Variants in AARS2 observed in about 807,000 individuals in gnomAD.
The protein encoded by AARS2 is alanine--tRNA ligase, mitochondrial.
A neutral mutation model predicts 119.7 loss-of-function variants in AARS2; 78 were observed. The observed-to-expected ratio is 0.65, with a 90% CI of 0.54 to 0.79. AARS2 has a LOEUF of 0.79. AARS2 is among the 30% of genes least tolerant of loss of function. The pLI, the probability that AARS2 is intolerant of heterozygous loss-of-function variation, is 0.00. For missense variants in AARS2, 1,157 were observed against 1,291.3 expected, an observed-to-expected ratio of 0.90 and a Z score of 1.59; for synonymous variants, 502 against 526.3, an observed-to-expected ratio of 0.95 and a Z score of 0.63.
chr6:44,301,433 C>T lies in AARS2; in HGVS notation c.2630G>A (p.Arg877Gln), dbSNP rs141941157. ...CACAATCAGAGGCCCCTTCGAGTGC[C>T]GCTCCAGCAGCTCCTGAGTTTTCTT... ...AAKKTQELLE[R>Q]HSKGPLIVDT... The change falls in exon 20 of 22, where the codon CGG (arginine) becomes CAG (glutamine). Residue 877 changes from arginine to glutamine, a missense_variant. Coordinates refer to ENST00000244571, the MANE Select transcript of AARS2 (RefSeq NM_020745.4). 138 of 1,613,824 alleles carry T rather than the reference C, an allele frequency of 8.6e-5. No individual in the cohort carries two copies. The African/African-American group carries it at 1.5e-3, about 17-fold the overall frequency.
rs1471980484 is a variant in AARS2, at chr6:44,303,370, G to A, written c.2061C>T (p.Ala687=). ...TGTACACAGCCTCATCCTGCCCCAC[G>A]GCCTCCTGCACAGTGTTCTCCACTG... ...LRAVENTVQE[A]VGQDEAVYME... Residue 687 remains alanine (A), a synonymous_variant, in exon 15 of 22, where the codon GCC becomes GCT. Transcript: ENST00000244571. The A allele has an allele frequency of 4.3e-6, 7 of 1,613,996 alleles. No homozygotes were observed. In the South Asian group the frequency reaches 5.5e-5, roughly 13 times the overall value.
intron 14 of AARS2, 45 bp downstream of exon 14, chr6:44,304,136 T>G (rs78610788): frequency 6.2e-7 from 1 of 1,611,146 alleles, no homozygotes; most frequent in Non-Finnish European, 8.5e-7. Context: ...CTCTCTTTTA[T>G]GCCTGTCACC....
Position 44,300,419 on chromosome 6 carries a change from T to A in AARS2, c.*128A>T. 7.3e-7 allele frequency: 1 copy of A among 1,378,518 alleles called. No individual in the cohort carries two copies. Among genetic ancestry groups the A allele is most frequent in the Non-Finnish European group, 1.0e-6 (1 of 977,088 alleles). 85.4% of individuals were successfully genotyped at this position (1,378,518 alleles called of 1,614,324 possible). A position where few individuals can be genotyped will look rare whatever the true frequency, so the allele number is the denominator to read the frequency against. ...GTCACGTAGGCCCTGGCCCAGGTGA[T>A]CTTCTTTGGCTCAGCTGCTTGGCCT... On this transcript the variant is annotated 3_prime_UTR_variant, in exon 22 of 22. Transcript: ENST00000244571.
chr6:44,303,013 G>T lies in AARS2; in HGVS notation c.2255+53C>A. The T allele has an allele frequency of 1.9e-6, 3 of 1,608,604 alleles. No homozygotes were observed. In the Admixed American group the frequency reaches 5.0e-5, roughly 27 times the overall value. ...GGGCTGATGGCTCCAAAGACCAAGGGAAGGGCAAGGATCCGGGGCCCCTGG... is the reference window on the plus strand; with the variant it reads ...GGGCTGATGGCTCCAAAGACCAAGGTAAGGGCAAGGATCCGGGGCCCCTGG... On this transcript the variant is annotated intron_variant, in intron 16 of 21. Coordinates refer to ENST00000244571, the MANE Select transcript of AARS2 (RefSeq NM_020745.4).
chr6:44,309,156 G>C (rs1786133268), intron 5 of AARS2, among the ~76,000 whole-genome samples: 1 of 152,208 alleles, frequency 6.6e-6, no homozygotes, highest in Non-Finnish European at 1.5e-5. Flanking sequence ...ACTGTTCTGA[G>C]CCTATGTGTC....
rs1001106759 is a variant in AARS2 at position 44,307,800 on chromosome 6, C to A, written c.895-406G>T. Among the ~76,000 whole-genome samples, 1 of 152,204 alleles carries A rather than the reference C, an allele frequency of 6.6e-6. No individual in the cohort carries two copies. The highest frequency in any genetic ancestry group is 2.4e-5 in the African/African-American group (1 of 41,440). On this transcript the variant is annotated intron_variant, in intron 5 of 21. Transcript: ENST00000244571. The surrounding 1 kb of genome is among the most constrained non-coding windows in gnomAD (Gnocchi z 4.4). The stretch of plus-strand genomic sequence containing the variant: ...GAGCAGATCTGAGATCTCAGCCGGG[C>A]CTGTTGGACTCCAGGTGCTCTCCAC...
rs1302724503 is a variant in AARS2 at position 44,307,665 on chromosome 6, C to T, written c.895-271G>A. ...TGGGTGAGTACTTGAACAACATGGC[C>T]TCGAATCCCCAAAACAGCCCATTCC... On this transcript the variant is annotated intron_variant, in intron 5 of 21. Coordinates refer to ENST00000244571, the MANE Select transcript of AARS2 (RefSeq NM_020745.4). This position sits in a 1 kb window ranked among gnomAD's most constrained non-coding sequence, Gnocchi z 4.4. The T allele has an allele frequency of 1.8e-6, 1 of 542,792 alleles. No individual in the cohort carries two copies. The highest frequency in any genetic ancestry group is 2.2e-5 in the South Asian group (1 of 45,264). 33.6% of individuals were successfully genotyped at this position (542,792 alleles called of 1,614,324 possible). A position where few individuals can be genotyped will look rare whatever the true frequency, so the allele number is the denominator to read the frequency against.
At chr6:44,302,004 C>T in intron 19 of AARS2, 56 bp downstream of exon 19, 1 of 1,571,376 alleles carries the variant, frequency 6.4e-7, no homozygotes, top group South Asian at 1.1e-5. Context: ...TGAGACTTCT[C>T]AGTGTATCTG....
chr6:44,310,388 C>G lies in AARS2; in HGVS notation c.805G>C (p.Gly269Arg). ...AGCACAGCCACCAGCCTTTCCAGGC[C>G]CATTCCTGTGTCCACATGCCGCTGG... ...LPQRHVDTGM[G>R]LERLVAVLQG... Residue 269 changes from glycine (G) to arginine (R), a missense_variant, in exon 5 of 22, where the codon GGC (glycine) becomes CGC (arginine). Transcript: ENST00000244571. The G allele has an allele frequency of 6.2e-7, 1 of 1,614,172 alleles. No individual in the cohort carries two copies. The highest frequency in any genetic ancestry group is 8.5e-7 in the Non-Finnish European group (1 of 1,180,022).
At position 44,302,903 on chromosome 6, in the gene AARS2, A is replaced by G; in HGVS notation, c.2263T>C (p.Leu755=). 6.2e-7 allele frequency: 1 copy of G among 1,614,046 alleles called. No individual in the cohort carries two copies. The highest frequency in any genetic ancestry group is 1.1e-5 in the South Asian group (1 of 91,064). Residue 755 remains leucine, a synonymous_variant, in exon 17 of 22, where the codon TTA becomes CTA. Transcript: ENST00000244571. ...SVELCCGTHL[L]RTGAVGDLVI... ...AGGTCCCCTACAGCCCCAGTACGTA[A>G]CAGGTGCCTGTGGGAGGAAGGAGTG...
chr6:44,312,934 C>T (rs1370007916), intron 1 of AARS2, 147 bp downstream of exon 1: 9 of 1,256,356 alleles, frequency 7.2e-6, no homozygotes, highest in Non-Finnish European at 8.9e-6. Flanking sequence ...GAGCGCCGTA[C>T]CCCCATCACT....
Position 44,301,388 on chromosome 6 carries a change from G to T in AARS2, c.2675C>A (p.Ser892Tyr). ...GGCTTGGCTAGCACTCACTGAGAGA[G>T]ACTCAGCAGAGACTGTGTCCACAAT... ...PLIVDTVSAE[S>Y]LSVLVKVVRQ... is the part of the protein sequence containing the mutation. Residue 892 changes from serine (S) to tyrosine (Y), a missense_variant, in exon 20 of 22, where the codon TCT (serine) becomes TAT (tyrosine). Physicochemically the swap from Ser to Tyr is moderately radical, Grantham distance 144. Coordinates refer to ENST00000244571, the MANE Select transcript of AARS2 (RefSeq NM_020745.4). 1 of 1,614,034 alleles carries T rather than the reference G, an allele frequency of 6.2e-7. No homozygotes were observed. The highest frequency in any genetic ancestry group is 1.1e-5 in the South Asian group (1 of 91,086).
In AARS2 at chr6:44,310,643, T is replaced by C. The variant is rs77138332; in HGVS notation, c.750-200A>G. Among the ~76,000 whole-genome samples the C allele has an allele frequency of 9.9e-3, 1,510 of 152,364 alleles. 21 individuals are homozygous for C. Among genetic ancestry groups the C allele is most frequent in the African/African-American group, 0.035 (1,436 of 41,584 alleles). The stretch of plus-strand genomic sequence containing the variant: ...TCCTGTCCTTCCTCATATAGGGCTA[T>C]TTCCATTCTCACCCCTGCTTGGGCC... On this transcript the variant is annotated intron_variant, in intron 4 of 21. Transcript: ENST00000244571.
In AARS2 at chr6:44,299,201, T is replaced by G. The variant is rs1785161774; in HGVS notation, c.*1346A>C. ...GGTGAGGGAATATCACCATCCACAC[T>G]CCTGATCCCCATTCTCTATTTCCCC... On this transcript the variant is annotated 3_prime_UTR_variant, in exon 22 of 22. Coordinates refer to ENST00000244571, the MANE Select transcript of AARS2 (RefSeq NM_020745.4). Among the ~76,000 whole-genome samples the G allele has an allele frequency of 6.6e-6, 1 of 152,002 alleles. No homozygotes were observed. The highest frequency in any genetic ancestry group is 1.5e-5 in the Non-Finnish European group (1 of 68,020).
In AARS2 at chr6:44,307,467, G is replaced by A. The variant is rs956597877; in HGVS notation, c.895-73C>T. 13 of 1,533,760 alleles carry A rather than the reference G, an allele frequency of 8.5e-6. No homozygotes were observed. Among genetic ancestry groups the A allele is most frequent in the Middle Eastern group, 1.7e-4 (1 of 5,846 alleles). On this transcript the variant is annotated intron_variant, in intron 5 of 21. Coordinates refer to ENST00000244571, the MANE Select transcript of AARS2 (RefSeq NM_020745.4). This position sits in a 1 kb window ranked among gnomAD's most constrained non-coding sequence, Gnocchi z 4.4. ...GTGGGTGCTCTTTATCGCCTCTAGA[G>A]CATCTGCCCTCAGCCCTAAAGCCAA...
At position 44,307,766 on chromosome 6, in the gene AARS2, GCT is replaced by G. The variant is rs1057232823; in HGVS notation, c.895-374_895-373del. 6.4e-6 allele frequency: 2 copies of G among 311,208 alleles called. No individual in the cohort carries two copies. The highest frequency in any genetic ancestry group is 1.2e-5 in the Non-Finnish European group (2 of 160,040). The allele number at this position is 311,208 out of a possible 1,614,324, so 19.3% of individuals were successfully genotyped here. On this transcript the variant is annotated intron_variant, in intron 5 of 21. Coordinates refer to ENST00000244571, the MANE Select transcript of AARS2 (RefSeq NM_020745.4). This position sits in a 1 kb window ranked among gnomAD's most constrained non-coding sequence, Gnocchi z 4.4. ...GAACTCAGTGACACAAGGCTACCCA[GCT>G]CTCAAGGAGCAGATCTGAGATCTCA...
In AARS2 at chr6:44,298,834, G is replaced by T. The variant is rs1385954310; in HGVS notation, c.*1713C>A. Among the ~76,000 whole-genome samples, 2 of 152,164 alleles carry T rather than the reference G, an allele frequency of 1.3e-5. No homozygotes were observed. The highest frequency in any genetic ancestry group is 2.9e-5 in the Non-Finnish European group (2 of 68,028). On this transcript the variant is annotated 3_prime_UTR_variant, in exon 22 of 22. Transcript: ENST00000244571. ...CCTTCATCTAGCAACAGAGATCTAG[G>T]AACAAAGGCAGAGGTCCAAAGTCTG...
In AARS2 at chr6:44,313,256, C is replaced by G. The variant is rs755097151; in HGVS notation, c.68G>C (p.Arg23Pro). The G allele has an allele frequency of 3.1e-6, 5 of 1,594,896 alleles. No individual in the cohort carries two copies. Among genetic ancestry groups the G allele is most frequent in the Non-Finnish European group, 4.3e-6 (5 of 1,174,554 alleles). The change falls in exon 1 of 22, where the codon CGG becomes CCG. Residue 23 changes from arginine (R) to proline (P), a missense_variant. Physicochemically the swap from Arg to Pro is moderately radical, Grantham distance 103. Coordinates refer to ENST00000244571, the MANE Select transcript of AARS2 (RefSeq NM_020745.4). Reference sequence around the variant, plus strand: ...TGAGAGCGGCCGATGGCTGAGGCCCCGCCATGCGGGCGACCTTCGAATGGC... The same window carrying G: ...TGAGAGCGGCCGATGGCTGAGGCCCGGCCATGCGGGCGACCTTCGAATGGC... ...RRAIRRSPAW[R>P]GLSHRPLSSE...
chr6:44,311,354 C>A (rs759350623), intron 3 of AARS2, 36 bp downstream of exon 3: 6 of 1,613,850 alleles, frequency 3.7e-6, no homozygotes, highest in African/African-American at 1.3e-5. Flanking sequence ...GTCCTCCTGA[C>A]CTCCAGGAAT....
Sources: gnomAD v4.1 joint callset for allele counts (sites outside exome capture counted in the v4.1 genomes callset) on GRCh38, gnomAD v4.1.1 for gene constraint, Gnocchi (gnomAD v3.1) non-coding constraint, MANE v1.5 for transcripts, NCBI Gene and HGNC (gene_info 2026-07-23, HGNC 2026-07-21) for gene names.